The following MARCOL variants were observed in gnomAD, a reference collection of about 807,000 sequenced individuals.
MARCOL encodes the protein MARCO like, also known as MARCO-like protein.
At chr5:148,239,112 A>T (rs1755936671) in intron 1 of MARCOL, among the ~76,000 whole-genome samples, 1 of 151,960 alleles carries the variant, frequency 6.6e-6, no homozygotes, top group Non-Finnish European at 1.5e-5. Context: ...GCAAAACGGA[A>T]ATTATTATTC....
chr5:148,243,140 G>A lies in MARCOL; in HGVS notation c.744G>A (p.Lys248=). The A allele has an allele frequency of 2.5e-6, 1 of 399,262 alleles. No homozygotes were observed. Among genetic ancestry groups the A allele is most frequent in the East Asian group, 3.6e-5 (1 of 28,078 alleles). 24.7% of individuals were successfully genotyped at this position (399,262 alleles called of 1,614,324 possible). A position where few individuals can be genotyped will look rare whatever the true frequency, so the allele number is the denominator to read the frequency against. Residue 248 remains lysine (K), a synonymous_variant, in exon 2 of 2, where the codon AAG becomes AAA. Transcript: ENST00000638089. ...GKPGLSSHQG[K]PGSSSQQGNL... ...CAGGGTTGTCTAGCCATCAAGGGAA[G>A]CCAGGGTCATCTAGCCAACAAGGAA...
rs1023102110 is a variant in MARCOL, at chr5:148,243,359, A to T, written c.*105A>T. 5.1e-6 allele frequency: 2 copies of T among 392,272 alleles called. No homozygotes were observed. The highest frequency in any genetic ancestry group is 9.0e-6 in the Non-Finnish European group (2 of 222,166). 24.3% of individuals were successfully genotyped at this position (392,272 alleles called of 1,614,324 possible). ...GGTCATCTAGCTATCAAGGGAAGCC[A>T]GTGTCATCTAGCCAACAAGGGAAGC... On this transcript the variant is annotated 3_prime_UTR_variant, in exon 2 of 2. Coordinates refer to ENST00000638089, the MANE Select transcript of MARCOL (RefSeq NM_001363511.2).
Position 148,242,905 on chromosome 5 carries a change from C to G in MARCOL, c.509C>G (p.Ser170Ter). 1 of 398,906 alleles carries G rather than the reference C, an allele frequency of 2.5e-6. No homozygotes were observed. Among genetic ancestry groups the G allele is most frequent in the East Asian group, 3.6e-5 (1 of 28,062 alleles). 24.7% of individuals were successfully genotyped at this position (398,906 alleles called of 1,614,324 possible). Reference protein sequence around the residue: ...GSSSQQGKPGSSSQHGNLGSS... With the variant: ...GSSSQQGKPG ...TCTAGCCAACAGGGGAAGCCAGGAT[C>G]ATCTAGCCAACACGGGAATCTAGGG... The change falls in exon 2 of 2, where the codon TCA becomes TGA. Residue 170 changes from serine to a stop codon, truncating the protein, a stop_gained. Coordinates refer to ENST00000638089, the MANE Select transcript of MARCOL (RefSeq NM_001363511.2). LOFTEE classifies it low-confidence loss of function (END_TRUNC).
rs983243747 is a variant in MARCOL at position 148,242,436 on chromosome 5, A to G, written c.50-10A>G. On this transcript the variant is annotated splice_polypyrimidine_tract_variant and intron_variant, in intron 1 of 1. Transcript: ENST00000638089. The stretch of plus-strand genomic sequence containing the variant: ...ATTTTCATTTTTTTCTGGTTGTGTT[A>G]TTATTCCAGCATCTTCAACCCAGAT... 4.0e-5 allele frequency: 16 copies of G among 397,932 alleles called. No homozygotes were observed. Among genetic ancestry groups the G allele is most frequent in the Non-Finnish European group, 6.2e-5 (14 of 225,720 alleles). 24.7% of individuals were successfully genotyped at this position (397,932 alleles called of 1,614,324 possible). A position where few individuals can be genotyped will look rare whatever the true frequency, so the allele number is the denominator to read the frequency against.
chr5:148,240,372 C>T (rs1374490393), intron 1 of MARCOL, among the ~76,000 whole-genome samples: 1 of 151,822 alleles, frequency 6.6e-6, no homozygotes, highest in Non-Finnish European at 1.5e-5. Flanking sequence ...TAATTATATT[C>T]ATATATGTTT....
At chr5:148,238,694 G>C in intron 1 of MARCOL, 48 bp downstream of exon 1, 1 of 397,840 alleles carries the variant, frequency 2.5e-6, no homozygotes, top group Non-Finnish European at 4.4e-6. Context: ...TCAAAGGAAA[G>C]AATGAGAAAT....
chr5:148,238,877 C>A (rs563587023), intron 1 of MARCOL, among the ~76,000 whole-genome samples: 9 of 151,930 alleles, frequency 5.9e-5, no homozygotes, highest in African/African-American at 2.2e-4. Flanking sequence ...GAAACAGATA[C>A]AAGGGAGTAG....
At chr5:148,241,422 G>A (rs1755963897) in intron 1 of MARCOL, among the ~76,000 whole-genome samples, 1 of 148,230 alleles carries the variant, frequency 6.7e-6, no homozygotes, top group Non-Finnish European at 1.5e-5. Context: ...CAAAATGTAA[G>A]CCTAATTAAA....
chr5:148,243,499 C>A lies in MARCOL; in HGVS notation c.*245C>A. 2.7e-6 allele frequency: 1 copy of A among 366,142 alleles called. No individual in the cohort carries two copies. The highest frequency in any genetic ancestry group is 4.9e-6 in the Non-Finnish European group (1 of 205,996). The allele number at this position is 366,142 out of a possible 1,614,324, so 22.7% of individuals were successfully genotyped here. A position where few individuals can be genotyped will look rare whatever the true frequency, so the allele number is the denominator to read the frequency against. On this transcript the variant is annotated 3_prime_UTR_variant, in exon 2 of 2. Coordinates refer to ENST00000638089, the MANE Select transcript of MARCOL (RefSeq NM_001363511.2). ...TCTAGCCAGCAAGGAAATATAGGGT[C>A]ATCTGGCCAGGAATGGAAGCCAGAG...
intron 1 of MARCOL, among the ~76,000 whole-genome samples, chr5:148,241,324 C>T (rs948507213): frequency 1.3e-5 from 2 of 151,210 alleles, no homozygotes; most frequent in Non-Finnish European, 1.5e-5. Context: ...TCAAGTGAGA[C>T]CCTAAGTATA....
intron 1 of MARCOL, among the ~76,000 whole-genome samples, chr5:148,240,081 A>G (rs1377461480): frequency 6.6e-6 from 1 of 151,982 alleles, no homozygotes; most frequent in African/African-American, 2.4e-5. Flanking sequence ...TTTTTATTTA[A>G]TAAATTTACT....
chr5:148,239,870 TA>T (rs1755945722), intron 1 of MARCOL, among the ~76,000 whole-genome samples: 1 of 151,904 alleles, frequency 6.6e-6, no homozygotes, highest in Non-Finnish European at 1.5e-5. Flanking sequence ...ATGCAATGAT[TA>T]TATATATTGG....
chr5:148,241,111 C>T (rs1755959466), intron 1 of MARCOL, among the ~76,000 whole-genome samples: 1 of 149,460 alleles, frequency 6.7e-6, no homozygotes, highest in African/African-American at 2.4e-5. Context: ...AAGTTATACT[C>T]ACAATCCATA....
intron 1 of MARCOL, among the ~76,000 whole-genome samples, 176 bp downstream of exon 1, chr5:148,238,822 A>G (rs2113338796): frequency 6.6e-6 from 1 of 152,130 alleles, no homozygotes; most frequent in Non-Finnish European, 1.5e-5. Flanking sequence ...TCATAAAAAT[A>G]GTGACTGAAT....
rs1755988885 is a variant in MARCOL, at chr5:148,243,254, A to T, written c.858A>T (p.Ter286CysextTer?). ...CATCCAGCCGTCAAGGAAATCTATG[A>T]TTATCTAGCCAGCAAGGGAATATAG... The part of the protein sequence containing the change: ...PGSSSRQGNL[*>C] Residue 286 changes from the stop codon to cysteine, a stop_lost, in exon 2 of 2, where the codon TGA (stop) becomes TGT (cysteine). Coordinates refer to ENST00000638089, the MANE Select transcript of MARCOL (RefSeq NM_001363511.2). The T allele has an allele frequency of 2.5e-6, 1 of 398,570 alleles. No individual in the cohort carries two copies. Among genetic ancestry groups the T allele is most frequent in the South Asian group, 1.3e-4 (1 of 7,858 alleles). 24.7% of individuals were successfully genotyped at this position (398,570 alleles called of 1,614,324 possible).
rs187920565 is a variant in MARCOL, at chr5:148,240,518, G to A, written c.49+1872G>A. ...AGTTAGGAAATTATTTTTGTGGGGG[G>A]TTTGGAGTGGGGGTACAGACAGGAA... On this transcript the variant is annotated intron_variant, in intron 1 of 1. Transcript: ENST00000638089. Among the ~76,000 whole-genome samples the A allele has an allele frequency of 3.1e-3, 465 of 150,448 alleles. 1 individual carries two copies. Among genetic ancestry groups the A allele is most frequent in the Middle Eastern group, 6.9e-3 (2 of 288 alleles).
Position 148,243,244 on chromosome 5 carries a change from G to T in MARCOL, c.848G>T (p.Gly283Val). Residue 283 changes from glycine (G) to valine (V), a missense_variant, in exon 2 of 2, where the codon GGA becomes GTA. Coordinates refer to ENST00000638089, the MANE Select transcript of MARCOL (RefSeq NM_001363511.2). ...AAGCCAGGTTCATCCAGCCGTCAAG[G>T]AAATCTATGATTATCTAGCCAGCAA... ...QRKPGSSSRQ[G>V]NL 2.5e-6 allele frequency: 1 copy of T among 398,928 alleles called. No homozygotes were observed. Among genetic ancestry groups the T allele is most frequent in the East Asian group, 3.6e-5 (1 of 28,068 alleles). The allele number at this position is 398,928 out of a possible 1,614,324, so 24.7% of individuals were successfully genotyped here.
chr5:148,239,108 C>T (rs1010949687), intron 1 of MARCOL, among the ~76,000 whole-genome samples: 49 of 151,880 alleles, frequency 3.2e-4, no homozygotes, highest in African/African-American at 1.0e-3. Flanking sequence ...ATTTGCAAAA[C>T]GGAAATTATT....
In MARCOL at chr5:148,242,866, T is replaced by A. The variant is rs1299696189; in HGVS notation, c.470T>A (p.Val157Glu). 2 of 398,732 alleles carry A rather than the reference T, an allele frequency of 5.0e-6. No individual in the cohort carries two copies. Among genetic ancestry groups the A allele is most frequent in the Middle Eastern group, 6.2e-4 (1 of 1,614 alleles). 24.7% of individuals were successfully genotyped at this position (398,732 alleles called of 1,614,324 possible). A position where few individuals can be genotyped will look rare whatever the true frequency, so the allele number is the denominator to read the frequency against. The change falls in exon 2 of 2, where the codon GTG (valine) becomes GAG (glutamate). Residue 157 changes from valine to glutamate, a missense_variant. Coordinates refer to ENST00000638089, the MANE Select transcript of MARCOL (RefSeq NM_001363511.2). ...AAACCAGGGTCATTTAGCCAGAAAGTGATGGTGGGGTCATCTAGCCAACAG... is the reference window on the plus strand; with the variant it reads ...AAACCAGGGTCATTTAGCCAGAAAGAGATGGTGGGGTCATCTAGCCAACAG... ...QEKPGSFSQK[V>E]MVGSSSQQGK...
Sources: gnomAD v4.1 joint callset for allele counts (sites outside exome capture counted in the v4.1 genomes callset) on GRCh38, gnomAD v4.1.1 for gene constraint, MANE v1.5 for transcripts, NCBI Gene and HGNC (gene_info 2026-07-23, HGNC 2026-07-21) for gene names.